Variants in UNC79 observed in about 807,000 individuals in gnomAD.
UNC79 encodes unc-79 subunit of NALCN channel complex.
In UNC79, 37 loss-of-function variants were observed where a neutral mutation model predicts 283.1. That is an observed-to-expected ratio of 0.13 (90% CI 0.10 to 0.17). UNC79 has a LOEUF of 0.17. Among genes scored for constraint, UNC79 ranks in the 10% least tolerant of loss-of-function variants. The pLI, the probability that UNC79 is intolerant of heterozygous loss-of-function variation, is 1.00. For synonymous variants in UNC79, 1,107 were observed against 1,200.2 expected (o/e 0.92, Z 1.61); for missense variants, 2,272 against 3,211.1 (o/e 0.71, Z 7.07).
chr14:93,375,046 C>T (rs2054527256), intron 1 of UNC79, among the ~76,000 whole-genome samples: 1 of 152,102 alleles, frequency 6.6e-6, no homozygotes, highest in Non-Finnish European at 1.5e-5. Flanking sequence ...TTTTTCCCTC[C>T]AAAACTCATG....
intron 39 of UNC79, among the ~76,000 whole-genome samples, chr14:93,660,762 G>A (rs2071517954): frequency 6.6e-6 from 1 of 151,042 alleles, no homozygotes; most frequent in Non-Finnish European, 1.5e-5. Flanking sequence ...GCTAATTTTT[G>A]TATTTTTAGT....
At chr14:93,687,058 C>A (rs1323642448) in intron 43 of UNC79, among the ~76,000 whole-genome samples, 2 of 152,106 alleles carry the variant, frequency 1.3e-5, no homozygotes, top group Non-Finnish European at 2.9e-5. Context: ...CTCTTTTTAC[C>A]ACATAGCATC....
intron 1 of UNC79, among the ~76,000 whole-genome samples, chr14:93,343,696 A>C (rs1371584557): frequency 1.3e-5 from 2 of 152,200 alleles, no homozygotes; most frequent in Non-Finnish European, 2.9e-5. Flanking sequence ...TAGAACTTTA[A>C]CACCAGTTTA....
intron 7 of UNC79, among the ~76,000 whole-genome samples, chr14:93,517,094 T>A (rs1371405053): frequency 6.6e-6 from 1 of 151,990 alleles, no homozygotes. Context: ...AGATTTTCTG[T>A]ATACCTGATT....
At chr14:93,467,835 G>A (rs1371475452) in intron 2 of UNC79, 44 bp downstream of exon 2, 3 of 1,459,618 alleles carry the variant, frequency 2.1e-6, no homozygotes, top group Admixed American at 2.9e-5. Context: ...TTATTAGGTA[G>A]TATTGCTGAA....
At chr14:93,687,693 C>T (rs2074354256) in intron 43 of UNC79, among the ~76,000 whole-genome samples, 1 of 152,034 alleles carries the variant, frequency 6.6e-6, no homozygotes, top group Non-Finnish European at 1.5e-5. Flanking sequence ...GATATGTAAA[C>T]CCATTCATTT....
Position 93,508,682 on chromosome 14 carries a change from T to C in UNC79, c.898+11396T>C, listed in dbSNP as rs546963628. ...TATTTTAAAATTTAATTTCCAATTG[T>C]TTATTGCTTGTGTAAGGAAATCCAA... On this transcript the variant is annotated intron_variant, in intron 7 of 48. Coordinates refer to ENST00000555664, the Ensembl canonical transcript of UNC79. 5.9e-5 allele frequency among the ~76,000 whole-genome samples: 9 copies of C among 152,330 alleles called. No individual in the cohort carries two copies. The East Asian group carries it at 1.3e-3, about 23-fold the overall frequency.
chr14:93,433,695 A>G (rs746656569), intron 1 of UNC79, among the ~76,000 whole-genome samples: 7 of 152,162 alleles, frequency 4.6e-5, no homozygotes, highest in Non-Finnish European at 7.3e-5. Flanking sequence ...TCAAAATATT[A>G]TTTCTATTAC....
intron 5 of UNC79, among the ~76,000 whole-genome samples, chr14:93,493,904 T>A (rs867237264): frequency 1.6e-3 from 164 of 104,800 alleles, no homozygotes; most frequent in African/African-American, 3.9e-3. Flanking sequence ...TATATATATT[T>A]TTTTTTTTTT....
At chr14:93,589,293 A>C (rs1226164574) in intron 22 of UNC79, among the ~76,000 whole-genome samples, 1 of 152,150 alleles carries the variant, frequency 6.6e-6, no homozygotes, top group East Asian at 1.9e-4. Context: ...ATGGAAGCTC[A>C]GAGGGATGAG....
intron 40 of UNC79, among the ~76,000 whole-genome samples, chr14:93,667,399 A>G (rs1450530507): frequency 6.6e-6 from 1 of 152,202 alleles, no homozygotes; most frequent in Non-Finnish European, 1.5e-5. Context: ...GCATAACTAC[A>G]GACAGAGATT....
intron 1 of UNC79, among the ~76,000 whole-genome samples, chr14:93,341,709 G>C (rs2053715235): frequency 6.6e-6 from 1 of 151,984 alleles, no homozygotes; most frequent in Admixed American, 6.5e-5. Flanking sequence ...AGGAGTTCAA[G>C]GCTGCAGTGA....
intron 23 of UNC79, among the ~76,000 whole-genome samples, chr14:93,596,919 C>G (rs1259344731): frequency 6.6e-6 from 1 of 152,196 alleles, no homozygotes; most frequent in Non-Finnish European, 1.5e-5. Flanking sequence ...CCACGACCTA[C>G]TAAGAGTAGA....
rs569584009 is a variant in UNC79 at position 93,485,531 on chromosome 14, A to T, written c.620-2132A>T. 7.2e-5 allele frequency among the ~76,000 whole-genome samples: 11 copies of T among 152,250 alleles called. No individual in the cohort carries two copies. The East Asian group carries it at 1.7e-3, about 24-fold the overall frequency. On this transcript the variant is annotated intron_variant, in intron 4 of 48. Transcript: ENST00000555664. ...AGAAGCATCTTCTTTGGCCCCAAAG[A>T]AGCTGAATTTGAACAAGCTGCTTGG...
At chr14:93,661,397 T>A (rs1385948486) in intron 39 of UNC79, among the ~76,000 whole-genome samples, 1 of 152,252 alleles carries the variant, frequency 6.6e-6, no homozygotes, top group Non-Finnish European at 1.5e-5. Flanking sequence ...TCATGTGTCC[T>A]TTCCTACATA....
intron 1 of UNC79, among the ~76,000 whole-genome samples, chr14:93,419,839 C>G (rs763283971): frequency 1.3e-5 from 2 of 151,300 alleles, no homozygotes; most frequent in Admixed American, 6.6e-5. Context: ...CAAGGTAAGA[C>G]GATTGCTTGA....
At chr14:93,579,765 C>A (rs188008643) in intron 18 of UNC79, among the ~76,000 whole-genome samples, 1 of 152,164 alleles carries the variant, frequency 6.6e-6, no homozygotes, top group Non-Finnish European at 1.5e-5. Context: ...CTCCAAGGAG[C>A]CCTGGTTCCT....
At chr14:93,347,387 C>T (rs1373735478) in intron 1 of UNC79, 2 of 1,539,778 alleles carry the variant, frequency 1.3e-6, no homozygotes, top group South Asian at 1.2e-5. Context: ...CGGCCCCTGT[C>T]TGCCGCGGTG....
intron 1 of UNC79, among the ~76,000 whole-genome samples, chr14:93,438,515 C>A (rs986253557): frequency 3.4e-4 from 51 of 152,104 alleles, no homozygotes; most frequent in African/African-American, 1.0e-3. Flanking sequence ...AGGGAGCCAA[C>A]AATTGCTCCT....
Sources: gnomAD v4.1 joint callset for allele counts (sites outside exome capture counted in the v4.1 genomes callset) on GRCh38, gnomAD v4.1.1 for gene constraint, MANE v1.5 for transcripts, NCBI Gene and HGNC (gene_info 2026-07-23, HGNC 2026-07-21) for gene names.